The following LRRTM4 variants were observed in gnomAD, a reference collection of about 807,000 sequenced individuals.
The protein encoded by LRRTM4 is leucine rich repeat transmembrane neuronal 4.
In LRRTM4, 25 loss-of-function variants were observed where a neutral mutation model predicts 47.6. The ratio of observed to expected loss-of-function variants is 0.53; its 90% CI spans 0.38 to 0.73. The LOEUF (loss-of-function observed/expected upper bound fraction) is 0.73. LRRTM4 is among the 30% of genes least tolerant of loss of function. The pLI, the probability that LRRTM4 is intolerant of heterozygous loss-of-function variation, is 0.00. For missense variants in LRRTM4, 638 were observed against 713.4 expected (o/e 0.89, Z 1.20); for synonymous variants, 311 against 269.5 (o/e 1.15, Z -1.51).
chr2:76,979,768 T>C (rs1260249563), intron 3 of LRRTM4, among the ~76,000 whole-genome samples: 2 of 150,534 alleles, frequency 1.3e-5, no homozygotes, highest in Non-Finnish European at 3.0e-5. Flanking sequence ...GATGTGAGTA[T>C]TTGAAGATGT....
chr2:77,032,986 CTG>C (rs1224224185), intron 3 of LRRTM4, among the ~76,000 whole-genome samples: 2 of 152,006 alleles, frequency 1.3e-5, no homozygotes, highest in Admixed American at 6.6e-5. Flanking sequence ...TATTTTATAA[CTG>C]TGTTTTAACT....
At chr2:77,400,807 TTACCCAACCCCTATTTCCTGAA>T (rs1375051382) in intron 3 of LRRTM4, among the ~76,000 whole-genome samples, 1 of 151,742 alleles carries the variant, frequency 6.6e-6, no homozygotes, top group Non-Finnish European at 1.5e-5. Flanking sequence ...ATCTTCCTGT[TTACCCAACCCCTATTTCCTGAA>T]TACCCAACCC....
intron 3 of LRRTM4, among the ~76,000 whole-genome samples, chr2:77,495,419 T>C (rs1269085263): frequency 6.6e-6 from 1 of 152,082 alleles, no homozygotes; most frequent in Non-Finnish European, 1.5e-5. Flanking sequence ...TTTATCGCTT[T>C]GTTGTTTTAT....
intron 3 of LRRTM4, among the ~76,000 whole-genome samples, chr2:76,824,109 T>C (rs577614831): frequency 6.6e-6 from 1 of 151,638 alleles, no homozygotes; most frequent in South Asian, 2.1e-4. Context: ...TGTAGATATC[T>C]CATAGTAACA....
chr2:77,430,492 C>A (rs1008061907), intron 3 of LRRTM4, among the ~76,000 whole-genome samples: 3 of 151,960 alleles, frequency 2.0e-5, no homozygotes, highest in Admixed American at 6.6e-5. Flanking sequence ...AAGGCCGAGG[C>A]GGGAGGATCA....
chr2:77,223,190 G>A (rs1009970197), intron 3 of LRRTM4, among the ~76,000 whole-genome samples: 4 of 152,032 alleles, frequency 2.6e-5, no homozygotes, highest in Admixed American at 2.0e-4. Context: ...AATAAATTAG[G>A]TATTGATGGG....
chr2:76,855,437 G>T (rs1558695181), intron 3 of LRRTM4, among the ~76,000 whole-genome samples: 1 of 152,098 alleles, frequency 6.6e-6, no homozygotes, highest in East Asian at 1.9e-4. Context: ...TGCCTTATTT[G>T]ATAAATAATA....
intron 3 of LRRTM4, among the ~76,000 whole-genome samples, chr2:77,500,814 C>T (rs1188304364): frequency 2.0e-5 from 3 of 151,402 alleles, no homozygotes; most frequent in African/African-American, 7.3e-5. Flanking sequence ...ACTTGTCTAC[C>T]ACTAGAGAAT....
At chr2:77,172,048 G>C (rs1673063045) in intron 3 of LRRTM4, among the ~76,000 whole-genome samples, 1 of 152,134 alleles carries the variant, frequency 6.6e-6, no homozygotes. Context: ...TTCAAAATTT[G>C]ATGTTATCCT....
chr2:77,055,306 A>G (rs1434337852), intron 3 of LRRTM4, among the ~76,000 whole-genome samples: 1 of 152,192 alleles, frequency 6.6e-6, no homozygotes, highest in African/African-American at 2.4e-5. Flanking sequence ...AACATGCCCA[A>G]CCTCTAGTAG....
rs558907613 is a variant in LRRTM4 at position 77,426,656 on chromosome 2, A to T, written c.1551+91662T>A. ...GTTTCTCACAATATCTGATGGTTTT[A>T]TAAGGGCCTTCTTTTCCTCCCCTAC... On this transcript the variant is annotated intron_variant, in intron 3 of 3. Transcript: ENST00000409884. Among the ~76,000 whole-genome samples, 16 of 152,248 alleles carry T rather than the reference A, an allele frequency of 1.1e-4. No homozygotes were observed. The East Asian group carries it at 2.7e-3, about 26-fold the overall frequency.
In LRRTM4 at chr2:77,101,627, A is replaced by ATTTT. The variant is rs767342351; in HGVS notation, c.1552-352712_1552-352711insAAAA. Among the ~76,000 whole-genome samples, 440 of 152,294 alleles carry ATTTT rather than the reference A, an allele frequency of 2.9e-3. 1 individual carries two copies. The highest frequency in any genetic ancestry group is 5.2e-3 in the Non-Finnish European group (351 of 68,024). On this transcript the variant is annotated intron_variant, in intron 3 of 3. Transcript: ENST00000409884. Reference sequence around the variant, plus strand: ...CCTATTGCCTGGCAGTCCAAAGCCCATCTTTATTTATTTATTTTTTAACTT... The same window carrying ATTTT: ...CCTATTGCCTGGCAGTCCAAAGCCCATTTTTCTTTATTTATTTATTTTTTAACTT...
chr2:77,326,795 GA>G (rs1670793796), intron 3 of LRRTM4, among the ~76,000 whole-genome samples: 1 of 152,110 alleles, frequency 6.6e-6, no homozygotes, highest in South Asian at 2.1e-4. Context: ...CCAATGAATG[GA>G]AAGACAACGT....
At chr2:77,501,092 G>A (rs1308318673) in intron 3 of LRRTM4, among the ~76,000 whole-genome samples, 2 of 150,416 alleles carry the variant, frequency 1.3e-5, no homozygotes, top group African/African-American at 2.4e-5. Context: ...CAAGATAGTG[G>A]GAAAGAACCA....
At chr2:76,974,211 CACAT>C (rs1340780222) in intron 3 of LRRTM4, among the ~76,000 whole-genome samples, 2 of 118,234 alleles carry the variant, frequency 1.7e-5, no homozygotes, top group African/African-American at 3.8e-5. Flanking sequence ...TATATATATA[CACAT>C]ATATATACAT....
chr2:77,235,546 T>G (rs568131715), intron 3 of LRRTM4, among the ~76,000 whole-genome samples: 1 of 152,272 alleles, frequency 6.6e-6, no homozygotes, highest in African/African-American at 2.4e-5. Context: ...AATTTTTGTT[T>G]TGTTGCAATT....
At chr2:76,815,120 G>C (rs1403633485) in intron 3 of LRRTM4, among the ~76,000 whole-genome samples, 2 of 151,864 alleles carry the variant, frequency 1.3e-5, no homozygotes, top group Non-Finnish European at 2.9e-5. Context: ...TTAAAAATAA[G>C]AAAAGAAATA....
chr2:77,481,868 GTT>G (rs565493377), intron 3 of LRRTM4, among the ~76,000 whole-genome samples: 5 of 125,834 alleles, frequency 4.0e-5, no homozygotes, highest in African/African-American at 6.0e-5. Flanking sequence ...AGAGTGAAGG[GTT>G]TTTTTTTTTC....
chr2:77,029,233 T>C (rs1483879133), intron 3 of LRRTM4, among the ~76,000 whole-genome samples: 1 of 151,830 alleles, frequency 6.6e-6, no homozygotes, highest in Non-Finnish European at 1.5e-5. Context: ...GATGTATATA[T>C]GAATGGGAGT....
Sources: allele counts gnomAD v4.1 joint callset (sites outside exome capture counted in the v4.1 genomes callset), GRCh38; gene constraint gnomAD v4.1.1; transcripts MANE v1.5; gene names NCBI Gene and HGNC (gene_info 2026-07-23, HGNC 2026-07-21).